CRACR2A: variants seen among roughly 807,000 people sequenced by gnomAD.
CRACR2A encodes the protein EF-hand calcium-binding domain-containing protein 4B.
In CRACR2A, 79 loss-of-function variants were observed where a neutral mutation model predicts 90.5. The observed-to-expected ratio is 0.87, with a 90% CI of 0.73 to 1.05. CRACR2A has a LOEUF of 1.05. Among genes scored for constraint, CRACR2A ranks in the 50% least tolerant of loss-of-function variants. The pLI, the probability that CRACR2A is intolerant of heterozygous loss-of-function variation, is 0.00. For missense variants in CRACR2A, 823 were observed against 897.2 expected, an observed-to-expected ratio of 0.92 and a Z score of 1.06; for synonymous variants, 338 against 356.7, an observed-to-expected ratio of 0.95 and a Z score of 0.59.
At chr12:3,733,966 T>A (rs1415711353) in intron 1 of CRACR2A, among the ~76,000 whole-genome samples, 1 of 110,840 alleles carries the variant, frequency 9.0e-6, no homozygotes, top group East Asian at 2.6e-4. Context: ...TGGACACATT[T>A]TGCCTTATTT....
At chr12:3,725,108 C>T (rs944658472) in intron 2 of CRACR2A, among the ~76,000 whole-genome samples, 1 of 152,170 alleles carries the variant, frequency 6.6e-6, no homozygotes, top group Admixed American at 6.5e-5. Context: ...CCAGGCCTCC[C>T]TGCTTTCACT....
chr12:3,724,741 A>G lies in CRACR2A; in HGVS notation c.-118+8201T>C, dbSNP rs1946235590. 2.0e-5 allele frequency among the ~76,000 whole-genome samples: 3 copies of G among 152,314 alleles called. No homozygotes were observed. The South Asian group carries it at 6.2e-4, about 32-fold the overall frequency. Reference sequence around the variant, plus strand: ...TCATAAAGCCACCATCGTAAAGTGGAACTGCTGGTGTTGGGGAGGGGTGGA... The same window carrying G: ...TCATAAAGCCACCATCGTAAAGTGGGACTGCTGGTGTTGGGGAGGGGTGGA... On this transcript the variant is annotated intron_variant, in intron 2 of 19. Coordinates refer to ENST00000440314, the MANE Select transcript of CRACR2A (RefSeq NM_001144958.2).
At chr12:3,648,436 A>G (rs764455333) in intron 11 of CRACR2A, 106 bp downstream of exon 11, 1 of 1,597,428 alleles carries the variant, frequency 6.3e-7, no homozygotes, top group Non-Finnish European at 8.6e-7. Context: ...CTCTCTCAGC[A>G]GGCACGTTTT....
intron 3 of CRACR2A, among the ~76,000 whole-genome samples, chr12:3,709,589 C>A (rs1945978999): frequency 6.6e-6 from 1 of 152,156 alleles, no homozygotes; most frequent in African/African-American, 2.4e-5. Flanking sequence ...ACCAGCCTGG[C>A]CAACATGGTG....
rs1011082075 is a variant in CRACR2A at position 3,648,100 on chromosome 12, C to A, written c.1118+442G>T. 9.0e-6 allele frequency: 9 copies of A among 1,001,190 alleles called. No homozygotes were observed. In the African/African-American group the frequency reaches 1.2e-4, roughly 13 times the overall value. 62.0% of individuals were successfully genotyped at this position (1,001,190 alleles called of 1,614,324 possible). ...TGGCCCCATCAGAGAGTAGCTGTGT[C>A]GCCTGTGGTAAATTACTTCTTTCCT... On this transcript the variant is annotated intron_variant, in intron 11 of 19. Coordinates refer to ENST00000440314, the MANE Select transcript of CRACR2A (RefSeq NM_001144958.2).
intron 7 of CRACR2A, chr12:3,672,611 G>A (rs1945265525): frequency 6.6e-6 from 2 of 305,150 alleles, no homozygotes; most frequent in African/African-American, 2.3e-5. Context: ...CATAAAATGC[G>A]AGCTCATGGC....
intron 2 of CRACR2A, among the ~76,000 whole-genome samples, chr12:3,715,163 G>A (rs892776284): frequency 2.0e-5 from 3 of 152,252 alleles, no homozygotes; most frequent in African/African-American, 7.2e-5. Context: ...TGGCGAAGAA[G>A]CAAATAGGTC....
intron 4 of CRACR2A, among the ~76,000 whole-genome samples, chr12:3,687,976 A>C (rs1178938485): frequency 6.6e-6 from 1 of 152,080 alleles, no homozygotes; most frequent in African/African-American, 2.4e-5. Flanking sequence ...TGTTGGACAC[A>C]TGTATGTCTT....
chr12:3,673,451 TA>T lies in CRACR2A; in HGVS notation c.665del (p.Leu222GlnfsTer32), dbSNP rs1565484301. The T allele has an allele frequency of 6.2e-7, 1 of 1,611,080 alleles. No individual in the cohort carries two copies. Among genetic ancestry groups the T allele is most frequent in the Non-Finnish European group, 8.5e-7 (1 of 1,179,230 alleles). On this transcript the variant is annotated frameshift_variant, in exon 7 of 20. Coordinates refer to ENST00000440314, the MANE Select transcript of CRACR2A (RefSeq NM_001144958.2). LOFTEE classifies it high-confidence loss of function. ...HEEKNELECA[L>X]KRKIAAYDEE... ...GCTGACACTGGGGTACCCACCTTTT[TA>T]GGGCACACTCCAGTTCATTCTTCTC...
chr12:3,659,466 T>C (rs1944982741), intron 8 of CRACR2A, 98 bp downstream of exon 8: 4 of 921,820 alleles, frequency 4.3e-6, no homozygotes, highest in Admixed American at 4.1e-5. Context: ...AGGGAATCAA[T>C]AGTGCATGGA....
At chr12:3,744,121 C>A (rs1229297601) in intron 1 of CRACR2A, among the ~76,000 whole-genome samples, 2 of 152,146 alleles carry the variant, frequency 1.3e-5, no homozygotes, top group Non-Finnish European at 2.9e-5. Flanking sequence ...TGACCAAACC[C>A]CTGCTAGCCA....
At chr12:3,732,590 C>G (rs1369962208) in intron 2 of CRACR2A, 1 of 152,398 alleles carries the variant, frequency 6.6e-6, no homozygotes, top group African/African-American at 2.4e-5. Flanking sequence ...TTCTTGCCCA[C>G]TGCGGACACC....
chr12:3,713,405 G>A (rs945351653), intron 2 of CRACR2A, 88 bp from the exon 3 acceptor site: 12 of 602,494 alleles, frequency 2.0e-5, no homozygotes, highest in Non-Finnish European at 2.5e-5. Flanking sequence ...GGAAAAACTT[G>A]GGAGGAAACA....
intron 2 of CRACR2A, among the ~76,000 whole-genome samples, chr12:3,716,475 T>C (rs1189213357): frequency 1.3e-5 from 2 of 152,240 alleles, no homozygotes; most frequent in Non-Finnish European, 2.9e-5. Context: ...TCAGTCAATA[T>C]TATGTAAGCT....
intron 1 of CRACR2A, among the ~76,000 whole-genome samples, chr12:3,749,618 T>C (rs1049645351): frequency 3.9e-5 from 6 of 152,232 alleles, no homozygotes; most frequent in African/African-American, 1.2e-4. Context: ...TCTGGCTTTA[T>C]TGGGACTTCC....
At chr12:3,721,994 A>G (rs241983) in intron 2 of CRACR2A, among the ~76,000 whole-genome samples, 40,021 of 152,090 alleles carry the variant, frequency 0.26, 5,407 homozygotes, top group Admixed American at 0.33. Flanking sequence ...AAATTGACTC[A>G]GTTGCTCACT....
intron 11 of CRACR2A, 119 bp downstream of exon 11, chr12:3,648,423 G>T (rs1308407682): frequency 6.3e-7 from 1 of 1,586,024 alleles, no homozygotes; most frequent in Non-Finnish European, 8.6e-7. Context: ...GGAATTGAGG[G>T]CACTCTCTCA....
chr12:3,752,681 C>G (rs1284357843), intron 1 of CRACR2A: 1 of 153,066 alleles, frequency 6.5e-6, no homozygotes, highest in Non-Finnish European at 1.5e-5. Context: ...AGTCACTTTA[C>G]CATTCTGAGC....
intron 17 of CRACR2A, among the ~76,000 whole-genome samples, chr12:3,621,388 G>A (rs1440232364): frequency 6.6e-6 from 1 of 151,004 alleles, no homozygotes; most frequent in Non-Finnish European, 1.5e-5. Context: ...AGAAAGGGCA[G>A]GTTTCTTCTT....
Sources: gnomAD v4.1 joint callset for allele counts (sites outside exome capture counted in the v4.1 genomes callset) on GRCh38, gnomAD v4.1.1 for gene constraint, MANE v1.5 for transcripts, NCBI Gene and HGNC (gene_info 2026-07-23, HGNC 2026-07-21) for gene names.